The following WRN variants were observed in gnomAD, a reference collection of about 807,000 sequenced individuals.
The protein encoded by WRN is WRN RecQ like helicase.
In WRN, 149 loss-of-function variants were observed where a neutral mutation model predicts 180.7. The ratio of observed to expected loss-of-function variants is 0.82; its 90% CI spans 0.72 to 0.94. WRN has a LOEUF of 0.94. Among genes scored for constraint, WRN ranks in the 40% least tolerant of loss-of-function variants. WRN has a pLI of 0.00. For missense variants in WRN, 1,661 were observed against 1,700.1 expected (o/e 0.98, Z 0.40); for synonymous variants, 548 against 568.9 (o/e 0.96, Z 0.52).
At chr8:31,121,191 A>G (rs1485532405) in intron 21 of WRN, among the ~76,000 whole-genome samples, 1 of 152,002 alleles carries the variant, frequency 6.6e-6, no homozygotes, top group Non-Finnish European at 1.5e-5. Context: ...AAAAACCTAT[A>G]CATGGTAACC....
At chr8:31,126,166 C>A (rs1426336588) in intron 23 of WRN, among the ~76,000 whole-genome samples, 3 of 152,058 alleles carry the variant, frequency 2.0e-5, no homozygotes, top group African/African-American at 7.2e-5. Context: ...ATCTCATTGA[C>A]CTTTTTAGAA....
intron 1 of WRN, among the ~76,000 whole-genome samples, chr8:31,054,908 G>A (rs2129983396): frequency 6.6e-6 from 1 of 152,202 alleles, no homozygotes; most frequent in South Asian, 2.1e-4. Flanking sequence ...CCAGGACCCA[G>A]TGTGTGTTGT....
At chr8:31,096,160 T>C (rs11574259) in intron 16 of WRN, among the ~76,000 whole-genome samples, 6,806 of 152,310 alleles carry the variant, frequency 0.045, 185 homozygotes, top group South Asian at 0.08. Flanking sequence ...TTGTTCCTAT[T>C]TGATTCCTTG....
chr8:31,058,981 T>C (rs1812380913), intron 2 of WRN, among the ~76,000 whole-genome samples, 172 bp from the exon 3 acceptor site: 2 of 152,210 alleles, frequency 1.3e-5, no homozygotes, highest in Non-Finnish European at 2.9e-5. Context: ...AATTTCACAA[T>C]GGGATGGTTT....
Position 31,155,497 on chromosome 8 carries a change from C to T in WRN, c.3819+742C>T, listed in dbSNP as rs144770418. On this transcript the variant is annotated intron_variant, in intron 32 of 34. Transcript: ENST00000298139. ...ATTAGCTGGGCGTAGTGACGCATGCCTGTAATCCCAGATACTTGGGAGGCG... is the reference window on the plus strand; with the variant it reads ...ATTAGCTGGGCGTAGTGACGCATGCTTGTAATCCCAGATACTTGGGAGGCG... Among the ~76,000 whole-genome samples, 625 of 151,962 alleles carry T rather than the reference C, an allele frequency of 4.1e-3. 4 individuals are homozygous for T. The highest frequency in any genetic ancestry group is 5.8e-3 in the Non-Finnish European group (394 of 67,996).
Position 31,058,921 on chromosome 8 carries a change from T to C in WRN, c.97-232T>C, listed in dbSNP as rs11574177. On this transcript the variant is annotated intron_variant, in intron 2 of 34. Coordinates refer to ENST00000298139, the MANE Select transcript of WRN (RefSeq NM_000553.6). ...AGAAAAAACTCAGGAAAATAAATGC[T>C]TTTATGAAAATGGGATTAGAGGTTT... is the stretch of plus-strand genomic sequence containing the variant. 2.0e-3 allele frequency among the ~76,000 whole-genome samples: 311 copies of C among 152,328 alleles called. 1 individual carries two copies. Among genetic ancestry groups the C allele is most frequent in the African/African-American group, 7.1e-3 (294 of 41,578 alleles).
Position 31,080,485 on chromosome 8 carries a change from ATCTT to A in WRN, c.840-379_840-376del, listed in dbSNP as rs1585426811. 2.7e-5 allele frequency among the ~76,000 whole-genome samples: 4 copies of A among 149,908 alleles called. No individual in the cohort carries two copies. The South Asian group carries it at 8.5e-4, about 32-fold the overall frequency. ...TTTTAACAAAAAACAAATTTACAAAATCTTTCCATGTATTCAACTTAGAATTTAA... is the reference window on the plus strand; with the variant it reads ...TTTTAACAAAAAACAAATTTACAAAATCCATGTATTCAACTTAGAATTTAA... On this transcript the variant is annotated intron_variant, in intron 8 of 34. Transcript: ENST00000298139.
At chr8:31,041,820 A>G (rs996615405) in intron 1 of WRN, among the ~76,000 whole-genome samples, 1 of 152,186 alleles carries the variant, frequency 6.6e-6, no homozygotes, top group African/African-American at 2.4e-5. Flanking sequence ...AGACCAGTCA[A>G]AATGGTTGTG....
At chr8:31,085,844 GAA>G (rs1384726341) in intron 11 of WRN, among the ~76,000 whole-genome samples, 2 of 151,942 alleles carry the variant, frequency 1.3e-5, no homozygotes, top group African/African-American at 4.8e-5. Context: ...CTCCAGTATT[GAA>G]ATTGAGTTTC....
chr8:31,149,920 A>G (rs1017005493), intron 30 of WRN, among the ~76,000 whole-genome samples: 9 of 152,352 alleles, frequency 5.9e-5, no homozygotes, highest in Middle Eastern at 3.4e-3. Context: ...TGTTACAGGT[A>G]AACACTTTGT....
intron 1 of WRN, among the ~76,000 whole-genome samples, chr8:31,048,990 A>G (rs868382293): frequency 1.3e-5 from 2 of 151,982 alleles, no homozygotes; most frequent in Non-Finnish European, 2.9e-5. Flanking sequence ...TTTCTGCAGT[A>G]TAGTTAAAGA....
At chr8:31,122,668 T>A (rs964300519) in intron 21 of WRN, among the ~76,000 whole-genome samples, 6 of 151,910 alleles carry the variant, frequency 3.9e-5, no homozygotes, top group African/African-American at 1.4e-4. Flanking sequence ...TTGTTTTTAT[T>A]CTGTGGAATA....
intron 11 of WRN, among the ~76,000 whole-genome samples, chr8:31,085,685 G>T (rs1563341660): frequency 6.6e-6 from 1 of 151,968 alleles, no homozygotes; most frequent in Non-Finnish European, 1.5e-5. Context: ...GCCCAGGATG[G>T]TCTTAAACTC....
In WRN at chr8:31,062,943, G is replaced by A. The variant is rs930956543; in HGVS notation, c.210-1346G>A. On this transcript the variant is annotated intron_variant, in intron 3 of 34. Coordinates refer to ENST00000298139, the MANE Select transcript of WRN (RefSeq NM_000553.6). ...CCTTATGGGCTCGAGTGATCCTTTCGCCTCAGCCTCTCAAGTAGCTACAAC... is the reference window on the plus strand; with the variant it reads ...CCTTATGGGCTCGAGTGATCCTTTCACCTCAGCCTCTCAAGTAGCTACAAC... Among the ~76,000 whole-genome samples, 15 of 151,914 alleles carry A rather than the reference G, an allele frequency of 9.9e-5. No homozygotes were observed. In the South Asian group the frequency reaches 1.7e-3, roughly 17 times the overall value.
intron 11 of WRN, among the ~76,000 whole-genome samples, chr8:31,086,519 A>G (rs903206704): frequency 8.5e-5 from 13 of 152,074 alleles, no homozygotes; most frequent in Non-Finnish European, 7.4e-5. Context: ...TTGAGGCTGC[A>G]GTTAGCCATG....
chr8:31,072,121 C>A (rs925424469), intron 7 of WRN, among the ~76,000 whole-genome samples: 1 of 152,064 alleles, frequency 6.6e-6, no homozygotes, highest in Non-Finnish European at 1.5e-5. Flanking sequence ...TGAACATTTG[C>A]GTGGAGGAGG....
intron 24 of WRN, among the ~76,000 whole-genome samples, chr8:31,134,318 G>A (rs1225971334): frequency 1.3e-5 from 2 of 152,106 alleles, no homozygotes; most frequent in Non-Finnish European, 2.9e-5. Flanking sequence ...GGGAATAATT[G>A]GAGTTTAGTT....
intron 1 of WRN, among the ~76,000 whole-genome samples, chr8:31,054,329 T>C (rs1812184155): frequency 6.6e-6 from 1 of 152,194 alleles, no homozygotes; most frequent in African/African-American, 2.4e-5. Flanking sequence ...GTGAATGAGA[T>C]TAATTTTCGT....
chr8:31,073,803 G>A (rs1374462049), intron 7 of WRN, among the ~76,000 whole-genome samples: 4 of 152,152 alleles, frequency 2.6e-5, no homozygotes, highest in Non-Finnish European at 2.9e-5. Context: ...TGAAGAAAAT[G>A]TTTGGAATAG....
Sources: gnomAD v4.1 joint callset for allele counts (sites outside exome capture counted in the v4.1 genomes callset) on GRCh38, gnomAD v4.1.1 for gene constraint, MANE v1.5 for transcripts, NCBI Gene and HGNC (gene_info 2026-07-23, HGNC 2026-07-21) for gene names.